The following COL3A1 variants were observed in gnomAD, a reference collection of about 807,000 sequenced individuals.
COL3A1 encodes collagen type III alpha 1 chain.
A neutral mutation model predicts 200.9 loss-of-function variants in COL3A1; 46 were observed. That is an observed-to-expected ratio of 0.23 (90% CI 0.18 to 0.29). COL3A1 has a LOEUF of 0.29. Ranked by LOEUF, COL3A1 falls within the 10% of genes least tolerant of loss-of-function variation. The pLI is 1.00. For synonymous variants in COL3A1, 650 were observed against 628.0 expected, an observed-to-expected ratio of 1.03 and a Z score of -0.52; for missense variants, 1,367 against 1,917.6, an observed-to-expected ratio of 0.71 and a Z score of 5.36.
intron 29 of COL3A1, among the ~76,000 whole-genome samples, 194 bp downstream of exon 29, chr2:188,998,912 T>G (rs989626889): frequency 3.9e-5 from 6 of 152,222 alleles, no homozygotes; most frequent in Non-Finnish European, 5.9e-5. Flanking sequence ...GGTCCAATTC[T>G]CTGACATTCA....
At position 188,994,450 on chromosome 2, in the gene COL3A1, C is replaced by T; in HGVS notation, c.1294-91C>T. On this transcript the variant is annotated intron_variant, in intron 18 of 50. Transcript: ENST00000304636. The surrounding 1 kb of genome is among the most constrained non-coding windows in gnomAD (Gnocchi z 4.5). ...GAATTTATATTGACTTCACTCTTGT[C>T]TTATAACTTATAACTGAATTATGTG... The T allele has an allele frequency of 6.4e-7, 1 of 1,564,750 alleles. No homozygotes were observed. Among genetic ancestry groups the T allele is most frequent in the Non-Finnish European group, 8.8e-7 (1 of 1,136,508 alleles).
intron 15 of COL3A1, 28 bp downstream of exon 15, chr2:188,992,968 T>A (rs748113636): frequency 1.9e-6 from 3 of 1,605,874 alleles, no homozygotes; most frequent in African/African-American, 1.3e-5. Flanking sequence ...TAGAAGGGTA[T>A]AAAAATATCT....
chr2:189,011,491 A>G (rs1688724540), intron 50 of COL3A1, 137 bp from the exon 51 acceptor site: 1 of 885,232 alleles, frequency 1.1e-6, no homozygotes, highest in Non-Finnish European at 1.8e-6. Flanking sequence ...GAAGTAGAGC[A>G]GGTCTCATAT....
chr2:189,006,883 A>G, intron 43 of COL3A1, 54 bp from the exon 44 acceptor site: 2 of 1,564,544 alleles, frequency 1.3e-6, no homozygotes, highest in Non-Finnish European at 1.8e-6. Context: ...AAATTGTGTC[A>G]ACACATAAAA....
intron 3 of COL3A1, 34 bp downstream of exon 3, chr2:188,985,281 T>C: frequency 6.6e-7 from 1 of 1,517,974 alleles, no homozygotes; most frequent in Non-Finnish European, 9.1e-7. Context: ...ATAAAATTAA[T>C]ACTAATGATA....
intron 1 of COL3A1, among the ~76,000 whole-genome samples, chr2:188,978,679 T>G (rs1687879748): frequency 6.6e-6 from 1 of 151,572 alleles, no homozygotes; most frequent in Non-Finnish European, 1.5e-5. Context: ...ACAATAACTT[T>G]CTGGAACCCT....
At chr2:188,988,783 T>C (rs966308127) in intron 7 of COL3A1, 140 bp downstream of exon 7, 5 of 640,844 alleles carry the variant, frequency 7.8e-6, no homozygotes, top group African/African-American at 7.4e-5. Flanking sequence ...TAGCATTTTA[T>C]TGAGTCTTTT....
chr2:189,004,823 T>A (rs1688552427), intron 40 of COL3A1, among the ~76,000 whole-genome samples: 1 of 152,206 alleles, frequency 6.6e-6, no homozygotes, highest in South Asian at 2.1e-4. Context: ...AAACATTCGT[T>A]TGGTAAACAG....
chr2:188,999,771 G>C, intron 31 of COL3A1, 71 bp from the exon 32 acceptor site: 1 of 1,507,180 alleles, frequency 6.6e-7, no homozygotes, highest in Non-Finnish European at 9.1e-7. Context: ...AATCCTGAGA[G>C]TTACTCCTCT....
intron 32 of COL3A1, among the ~76,000 whole-genome samples, chr2:189,000,977 A>C (rs2153503189): frequency 6.6e-6 from 1 of 152,330 alleles, no homozygotes; most frequent in Admixed American, 6.5e-5. Context: ...TTGTAATATA[A>C]GTAAAACTAC....
intron 4 of COL3A1, 32 bp downstream of exon 4, chr2:188,985,810 T>G: frequency 7.0e-7 from 1 of 1,421,166 alleles, no homozygotes; most frequent in Non-Finnish European, 9.9e-7. Context: ...AAAAATTCCC[T>G]CATAAAACTA....
intron 48 of COL3A1, among the ~76,000 whole-genome samples, chr2:189,009,670 G>A (rs1688676489): frequency 6.6e-6 from 1 of 152,082 alleles, no homozygotes; most frequent in African/African-American, 2.4e-5. Context: ...TTAAGGTTTT[G>A]CATATATTGG....
Position 189,010,303 on chromosome 2 carries a change from A to G in COL3A1, c.3949A>G (p.Thr1317Ala). The G allele has an allele frequency of 6.2e-7, 1 of 1,614,186 alleles. No homozygotes were observed. Among genetic ancestry groups the G allele is most frequent in the South Asian group, 1.1e-5 (1 of 91,088 alleles). ...GAATGTTCCACGGAAACACTGGTGG[A>G]CAGATTCTAGTGCTGAGAAGAAACA... ...PLNVPRKHWW[T>A]DSSAEKKHVW... Residue 1317 changes from threonine (T) to alanine (A), a missense_variant, in exon 49 of 51, where the codon ACA (threonine) becomes GCA (alanine). By Grantham distance (58) the Thr-to-Ala change is moderately conservative. This residue lies in a region of COL3A1 where 846 missense variants were observed against 1,147.9 expected (regional missense o/e 0.74). Coordinates refer to ENST00000304636, the MANE Select transcript of COL3A1 (RefSeq NM_000090.4).
chr2:189,007,390 T>C, intron 44 of COL3A1, 110 bp from the exon 45 acceptor site: 1 of 881,090 alleles, frequency 1.1e-6, no homozygotes, highest in South Asian at 1.8e-5. Flanking sequence ...TGATGGGGGA[T>C]TTTTTAGCTG....
intron 40 of COL3A1, 67 bp downstream of exon 40, chr2:189,004,431 A>C: frequency 7.0e-7 from 1 of 1,423,632 alleles, no homozygotes; most frequent in Non-Finnish European, 9.7e-7. Context: ...ACTTAACCAT[A>C]TCAAGGATGA....
In COL3A1 at chr2:188,995,707, C is replaced by T. The variant is rs1485092842; in HGVS notation, c.1525C>T (p.Arg509Cys). ...IPGEKGPAGERGAPGPAGPRG... is the reference protein window; with the variant it reads ...IPGEKGPAGECGAPGPAGPRG... ...CACTACTTAGGGTCCTGCTGGAGAG[C>T]GTGGTGCTCCAGGCCCTGCAGGGCC... Residue 509 changes from arginine (R) to cysteine (C), a missense_variant, in exon 22 of 51, where the codon CGT becomes TGT. Arg to Cys is a radical substitution (Grantham distance 180, BLOSUM62 -3). Coordinates refer to ENST00000304636, the MANE Select transcript of COL3A1 (RefSeq NM_000090.4). The T allele has an allele frequency of 6.4e-6, 10 of 1,557,016 alleles. No homozygotes were observed. The highest frequency in any genetic ancestry group is 7.8e-6 in the Non-Finnish European group (9 of 1,149,940).
chr2:188,990,679 T>C (rs923955112), intron 10 of COL3A1, among the ~76,000 whole-genome samples: 1 of 152,196 alleles, frequency 6.6e-6, no homozygotes, highest in African/African-American at 2.4e-5. Flanking sequence ...AACTTTATTC[T>C]ATGCAAAATA....
chr2:188,988,423 A>G (rs756128490), intron 6 of COL3A1, among the ~76,000 whole-genome samples, 167 bp from the exon 7 acceptor site: 1 of 152,164 alleles, frequency 6.6e-6, no homozygotes, highest in Admixed American at 6.6e-5. Flanking sequence ...AATGGAATGA[A>G]ATACATTAAC....
rs1241387993 is a variant in COL3A1 at position 189,010,747 on chromosome 2, C to A, written c.4111C>A (p.His1371Asn). The A allele has an allele frequency of 3.1e-6, 5 of 1,614,012 alleles. No individual in the cohort carries two copies. The highest frequency in any genetic ancestry group is 3.4e-6 in the Non-Finnish European group (4 of 1,180,030). ...SSRASQNITY[H>N]CKNSIAYMDQ... ...CCGAGCTTCCCAGAACATCACATAT[C>A]ACTGCAAAAATAGCATTGCATACAT... Residue 1371 changes from histidine (H) to asparagine (N), a missense_variant, in exon 50 of 51, where the codon CAC becomes AAC. By Grantham distance (68) the His-to-Asn change is moderately conservative (BLOSUM62 1). Coordinates refer to ENST00000304636, the MANE Select transcript of COL3A1 (RefSeq NM_000090.4).
Sources: allele counts gnomAD v4.1 joint callset (sites outside exome capture counted in the v4.1 genomes callset), GRCh38; gene constraint gnomAD v4.1.1; regional missense constraint gnomAD v4.1.1; non-coding constraint Gnocchi (gnomAD v3.1); transcripts MANE v1.5; gene names NCBI Gene and HGNC (gene_info 2026-07-23, HGNC 2026-07-21).